Variants in TAOK3 observed in about 807,000 individuals in gnomAD.
TAOK3 encodes the protein serine/threonine-protein kinase TAO3.
Under a neutral mutation model 120.4 loss-of-function variants are expected in TAOK3, and 40 were observed. That is an observed-to-expected ratio of 0.33 (90% CI 0.26 to 0.43). TAOK3 has a LOEUF of 0.43. TAOK3 is among the 20% of genes least tolerant of loss of function. The probability of loss-of-function intolerance (pLI) is 1.00; values close to 1 mark genes in which losing one functional copy is unlikely to be tolerated. For synonymous variants in TAOK3, 355 were observed against 387.5 expected, an observed-to-expected ratio of 0.92 and a Z score of 0.99; for missense variants, 821 against 1,112.1, an observed-to-expected ratio of 0.74 and a Z score of 3.72.
chr12:118,255,233 C>A (rs753250178), intron 3 of TAOK3, among the ~76,000 whole-genome samples: 3 of 152,272 alleles, frequency 2.0e-5, no homozygotes, highest in South Asian at 2.1e-4. Flanking sequence ...GCTTATTTTA[C>A]GAGCAACAGC....
At chr12:118,205,926 C>CT (rs2038281469) in intron 11 of TAOK3, among the ~76,000 whole-genome samples, 1 of 148,568 alleles carries the variant, frequency 6.7e-6, no homozygotes, top group Non-Finnish European at 1.5e-5. Flanking sequence ...CTCTCTCTCT[C>CT]TCTTTTTTTT....
Position 118,150,985 on chromosome 12 carries a change from A to G in TAOK3, c.*12T>C. 1 of 1,521,264 alleles carries G rather than the reference A, an allele frequency of 6.6e-7. No homozygotes were observed. The highest frequency in any genetic ancestry group is 8.8e-7 in the Non-Finnish European group (1 of 1,139,804). The allele number at this position is 1,521,264 out of a possible 1,614,324, so 94.2% of individuals were successfully genotyped here. A position where few individuals can be genotyped will look rare whatever the true frequency, so the allele number is the denominator to read the frequency against. On this transcript the variant is annotated 3_prime_UTR_variant, in exon 21 of 21. Transcript: ENST00000392533. Reference sequence around the variant, plus strand: ...TTTTTTTTTTTTTTTGTAAATGGCAAAAAATTTAATCTCATCTGTAGTCCT... The same window carrying G: ...TTTTTTTTTTTTTTTGTAAATGGCAGAAAATTTAATCTCATCTGTAGTCCT...
intron 1 of TAOK3, among the ~76,000 whole-genome samples, chr12:118,281,233 T>C (rs148471484): frequency 1.1e-4 from 16 of 152,290 alleles, no homozygotes; most frequent in Non-Finnish European, 1.9e-4. Context: ...CAGTGCTATG[T>C]TGAATAGGAG....
intron 1 of TAOK3, among the ~76,000 whole-genome samples, chr12:118,347,302 A>G (rs1337897698): frequency 6.6e-6 from 1 of 152,138 alleles, no homozygotes; most frequent in Non-Finnish European, 1.5e-5. Flanking sequence ...TGTGAGCCAC[A>G]AGGCCCAGTC....
chr12:118,230,928 A>C (rs2039751316), intron 9 of TAOK3, among the ~76,000 whole-genome samples: 1 of 152,176 alleles, frequency 6.6e-6, no homozygotes, highest in South Asian at 2.1e-4. Context: ...ATAACCTAAA[A>C]AAGAAATTCA....
chr12:118,177,993 C>G (rs372028273), intron 15 of TAOK3, among the ~76,000 whole-genome samples: 1 of 151,986 alleles, frequency 6.6e-6, no homozygotes, highest in Non-Finnish European at 1.5e-5. Flanking sequence ...GTCGCTCAGG[C>G]TGGAGTGCAG....
chr12:118,349,172 T>G (rs1465536491), intron 1 of TAOK3, among the ~76,000 whole-genome samples: 6 of 152,250 alleles, frequency 3.9e-5, no homozygotes, highest in Admixed American at 6.5e-5. Flanking sequence ...ATTACAGGCA[T>G]GAGCCACCGC....
intron 1 of TAOK3, among the ~76,000 whole-genome samples, chr12:118,271,121 C>T (rs2041683245): frequency 6.6e-6 from 1 of 152,000 alleles, no homozygotes; most frequent in Non-Finnish European, 1.5e-5. Flanking sequence ...CATTGTAACC[C>T]CTGATATTTT....
chr12:118,251,665 G>GCT (rs1226918231), intron 3 of TAOK3, among the ~76,000 whole-genome samples: 2 of 152,162 alleles, frequency 1.3e-5, no homozygotes, highest in African/African-American at 4.8e-5. Context: ...AATAGACAGG[G>GCT]CTTAGCCCAA....
At chr12:118,272,030 A>G (rs2041719839) in intron 1 of TAOK3, among the ~76,000 whole-genome samples, 1 of 152,248 alleles carries the variant, frequency 6.6e-6, no homozygotes, top group Non-Finnish European at 1.5e-5. Context: ...TTCATCAGAG[A>G]TGTGCAATTG....
intron 15 of TAOK3, among the ~76,000 whole-genome samples, chr12:118,179,431 A>G (rs2036553886): frequency 6.6e-6 from 1 of 152,160 alleles, no homozygotes; most frequent in Non-Finnish European, 1.5e-5. Flanking sequence ...TGTACCTAAC[A>G]TGTATCAGTA....
At chr12:118,291,592 C>T (rs994778521) in intron 1 of TAOK3, among the ~76,000 whole-genome samples, 9 of 151,952 alleles carry the variant, frequency 5.9e-5, no homozygotes, top group Admixed American at 1.3e-4. Context: ...ACCTTTATTC[C>T]GGAAGTTCAT....
At position 118,151,132 on chromosome 12, in the gene TAOK3, C is replaced by G. The variant is rs1277927049; in HGVS notation, c.2562G>C (p.Gln854His). Residue 854 changes from glutamine to histidine, a missense_variant, in exon 21 of 21, where the codon CAG becomes CAC. Coordinates refer to ENST00000392533, the MANE Select transcript of TAOK3 (RefSeq NM_016281.4). ...TCTTTATTCTCTCGCTGCGTTCCTT[C>G]TGAAGGGCAGCCAGCTCCTCTTCAA... ...QKIEEELAALQKERSERIKNL... is the reference protein window; with the variant it reads ...QKIEEELAALHKERSERIKNL... 3 of 1,613,292 alleles carry G rather than the reference C, an allele frequency of 1.9e-6. No homozygotes were observed. The African/African-American group carries it at 4.0e-5, about 22-fold the overall frequency.
intron 3 of TAOK3, among the ~76,000 whole-genome samples, chr12:118,250,539 T>G (rs942387771): frequency 1.3e-5 from 2 of 152,178 alleles, no homozygotes; most frequent in African/African-American, 4.8e-5. Flanking sequence ...CTATGACTTA[T>G]GAAAAGTACT....
At chr12:118,364,247 G>A (rs762044071) in intron 1 of TAOK3, among the ~76,000 whole-genome samples, 1 of 152,126 alleles carries the variant, frequency 6.6e-6, no homozygotes, top group Non-Finnish European at 1.5e-5. Flanking sequence ...AATCAGAGCC[G>A]TACTTTAGGG....
intron 3 of TAOK3, chr12:118,246,838 C>A (rs1202876361): frequency 2.4e-5 from 31 of 1,283,184 alleles, no homozygotes; most frequent in Non-Finnish European, 3.3e-5. Context: ...AGCTACCTGA[C>A]CCCCGACCTC....
intron 1 of TAOK3, among the ~76,000 whole-genome samples, chr12:118,301,979 G>A (rs972095991): frequency 2.0e-5 from 3 of 151,980 alleles, no homozygotes; most frequent in African/African-American, 7.3e-5. Flanking sequence ...TTGCAGAGTT[G>A]CATTAATTGT....
chr12:118,203,618 T>C lies in TAOK3; in HGVS notation c.820-2155A>G, dbSNP rs368787735. On this transcript the variant is annotated intron_variant, in intron 11 of 20. Transcript: ENST00000392533. The stretch of plus-strand genomic sequence containing the variant: ...ACTCGGGATGCTGAGGCAGCAGAAT[T>C]GCTTGAACCTGGGAGGCAGAAGTTA... 1.5e-4 allele frequency among the ~76,000 whole-genome samples: 23 copies of C among 150,968 alleles called. 1 individual carries two copies. In the East Asian group the frequency reaches 3.4e-3, roughly 22 times the overall value.
chr12:118,312,478 A>G (rs1187828592), intron 1 of TAOK3, among the ~76,000 whole-genome samples: 1 of 152,232 alleles, frequency 6.6e-6, no homozygotes, highest in African/African-American at 2.4e-5. Context: ...AAAATAAATT[A>G]AGATTTTTCT....
Sources: gnomAD v4.1 joint callset for allele counts (sites outside exome capture counted in the v4.1 genomes callset) on GRCh38, gnomAD v4.1.1 for gene constraint, MANE v1.5 for transcripts, NCBI Gene and HGNC (gene_info 2026-07-23, HGNC 2026-07-21) for gene names.